Variants in GRM7 observed in about 807,000 individuals in gnomAD.
GRM7 encodes the protein metabotropic glutamate receptor 7.
In GRM7, 35 loss-of-function variants were observed where a neutral mutation model predicts 84.5. The ratio of observed to expected loss-of-function variants is 0.41; its 90% CI spans 0.32 to 0.55. The LOEUF (loss-of-function observed/expected upper bound fraction) is 0.55. GRM7 is among the 20% of genes least tolerant of loss of function. GRM7 has a pLI of 0.19. For synonymous variants in GRM7, 487 were observed against 455.1 expected (o/e 1.07, Z -0.89); for missense variants, 1,003 against 1,194.6 (o/e 0.84, Z 2.36).
In GRM7 at chr3:6,900,862, G is replaced by A. The variant is rs139523268; in HGVS notation, c.519+38955G>A. Among the ~76,000 whole-genome samples, 740 of 152,278 alleles carry A rather than the reference G, an allele frequency of 4.9e-3. 7 individuals carry two copies. The highest frequency in any genetic ancestry group is 0.016 in the African/African-American group (683 of 41,550). On this transcript the variant is annotated intron_variant, in intron 1 of 9. Coordinates refer to ENST00000357716, the MANE Select transcript of GRM7 (RefSeq NM_000844.4). Reference sequence around the variant, plus strand: ...GTTTAACACACCACGACCTAGCCCTGCAAGCACCAGGCTGTGGCTATTTTT... The same window carrying A: ...GTTTAACACACCACGACCTAGCCCTACAAGCACCAGGCTGTGGCTATTTTT...
intron 1 of GRM7, among the ~76,000 whole-genome samples, chr3:6,900,404 T>G (rs1696340535): frequency 6.6e-6 from 1 of 152,172 alleles, no homozygotes; most frequent in Admixed American, 6.6e-5. Context: ...CAAGCTATTC[T>G]TTGCACAGAC....
intron 7 of GRM7, among the ~76,000 whole-genome samples, chr3:7,496,352 G>A (rs1299661082): frequency 1.3e-5 from 2 of 152,140 alleles, no homozygotes; most frequent in South Asian, 2.1e-4. Flanking sequence ...GATCAGGAAT[G>A]CTTAATTGTA....
chr3:7,682,487 G>A (rs1328916420), intron 9 of GRM7, among the ~76,000 whole-genome samples: 2 of 150,702 alleles, frequency 1.3e-5, no homozygotes, highest in Admixed American at 1.3e-4. Flanking sequence ...TGTCAAATTT[G>A]CATTTCATAA....
intron 1 of GRM7, among the ~76,000 whole-genome samples, chr3:7,089,880 T>C (rs1261342866): frequency 6.6e-6 from 1 of 152,162 alleles, no homozygotes; most frequent in Non-Finnish European, 1.5e-5. Flanking sequence ...TCTCCCTCTG[T>C]CACCCAGGTT....
chr3:7,086,339 TA>T (rs1360217547), intron 1 of GRM7, among the ~76,000 whole-genome samples: 2 of 150,250 alleles, frequency 1.3e-5, no homozygotes, highest in African/African-American at 5.0e-5. Context: ...TATCTTAAAA[TA>T]AAAAAGATCC....
intron 1 of GRM7, among the ~76,000 whole-genome samples, chr3:6,992,515 C>T (rs567126371): frequency 2.4e-4 from 36 of 152,146 alleles, no homozygotes; most frequent in Middle Eastern, 3.4e-3. Flanking sequence ...ATTCAGGAAA[C>T]GTTAATAAAG....
At chr3:7,383,943 A>G (rs1694687427) in intron 4 of GRM7, among the ~76,000 whole-genome samples, 1 of 152,216 alleles carries the variant, frequency 6.6e-6, no homozygotes, top group Admixed American at 6.5e-5. Context: ...CTAGGTAGAA[A>G]CAAGCCATCT....
intron 2 of GRM7, among the ~76,000 whole-genome samples, chr3:7,195,607 C>A (rs539196818): frequency 6.6e-4 from 101 of 152,064 alleles, no homozygotes; most frequent in African/African-American, 2.4e-3. Flanking sequence ...TTAGTGATTT[C>A]TCCAGTATAA....
intron 1 of GRM7, among the ~76,000 whole-genome samples, chr3:6,887,278 G>T (rs984592050): frequency 6.6e-6 from 1 of 151,514 alleles, no homozygotes; most frequent in African/African-American, 2.4e-5. Flanking sequence ...TGTGCACAAT[G>T]TGCAGGTTAG....
At chr3:7,411,613 G>T (rs1456305071) in intron 4 of GRM7, among the ~76,000 whole-genome samples, 2 of 152,198 alleles carry the variant, frequency 1.3e-5, no homozygotes, top group African/African-American at 4.8e-5. Flanking sequence ...TGACATAAAT[G>T]ATACCGAATG....
intron 8 of GRM7, among the ~76,000 whole-genome samples, chr3:7,603,477 C>T (rs1298041396): frequency 6.6e-6 from 1 of 152,082 alleles, no homozygotes; most frequent in African/African-American, 2.4e-5. Flanking sequence ...CTGAGGATTT[C>T]CAAGGGTTAT....
chr3:7,510,220 A>C (rs536219003), intron 7 of GRM7, among the ~76,000 whole-genome samples: 6 of 152,036 alleles, frequency 3.9e-5, no homozygotes, highest in African/African-American at 1.4e-4. Context: ...TATTATTACC[A>C]TCTTGGACTT....
chr3:7,587,968 C>G (rs1405955765), intron 8 of GRM7, among the ~76,000 whole-genome samples: 2 of 152,136 alleles, frequency 1.3e-5, no homozygotes, highest in African/African-American at 4.8e-5. Flanking sequence ...CCTCCCATCT[C>G]TGCTTCGTGG....
intron 1 of GRM7, among the ~76,000 whole-genome samples, chr3:7,080,975 T>C (rs1698257068): frequency 6.6e-6 from 1 of 152,036 alleles, no homozygotes; most frequent in South Asian, 2.1e-4. Flanking sequence ...TACACAGTCA[T>C]AAAGACTTCA....
chr3:7,178,428 T>C (rs760706949), intron 2 of GRM7, among the ~76,000 whole-genome samples: 7 of 152,144 alleles, frequency 4.6e-5, no homozygotes, highest in Non-Finnish European at 8.8e-5. Flanking sequence ...TGCCCTACTA[T>C]TAAACACTTG....
chr3:7,703,077 G>C (rs971820405), intron 9 of GRM7, among the ~76,000 whole-genome samples: 1 of 152,074 alleles, frequency 6.6e-6, no homozygotes, highest in Non-Finnish European at 1.5e-5. Context: ...TATGTAATTG[G>C]TTTAGGGTAA....
rs554563295 is a variant in GRM7, at chr3:6,862,909, G to A, written c.519+1002G>A. The A allele has an allele frequency of 3.2e-4, 136 of 427,762 alleles. No homozygotes were observed. The highest frequency in any genetic ancestry group is 2.1e-3 in the South Asian group (130 of 60,530). The allele number at this position is 427,762 out of a possible 1,614,324, so 26.5% of individuals were successfully genotyped here. On this transcript the variant is annotated intron_variant, in intron 1 of 9. Coordinates refer to ENST00000357716, the MANE Select transcript of GRM7 (RefSeq NM_000844.4). The surrounding 1 kb of genome is among the most constrained non-coding windows in gnomAD (Gnocchi z 5.2). ...GACGGAGAAAAAATGGGAGGAAGGC[G>A]GATCCGGGGCCGCTGAGCGGTGGGT...
At chr3:7,212,692 G>A (rs927534049) in intron 2 of GRM7, among the ~76,000 whole-genome samples, 2 of 152,112 alleles carry the variant, frequency 1.3e-5, no homozygotes, top group Non-Finnish European at 2.9e-5. Flanking sequence ...ACATTATAAA[G>A]TTTTATTTAT....
intron 7 of GRM7, among the ~76,000 whole-genome samples, chr3:7,562,109 G>C (rs1412123210): frequency 2.0e-5 from 3 of 152,032 alleles, no homozygotes; most frequent in Admixed American, 1.3e-4. Flanking sequence ...TGAATACAAC[G>C]CTTTTGATTT....
Sources: allele counts gnomAD v4.1 joint callset (sites outside exome capture counted in the v4.1 genomes callset), GRCh38; gene constraint gnomAD v4.1.1; non-coding constraint Gnocchi (gnomAD v3.1); transcripts MANE v1.5; gene names NCBI Gene and HGNC (gene_info 2026-07-23, HGNC 2026-07-21).